Variants in NFATC4 observed in about 807,000 individuals in gnomAD.
NFATC4 encodes the protein nuclear factor of activated T cells 4.
A neutral mutation model predicts 73.4 loss-of-function variants in NFATC4; 25 were observed. The observed-to-expected ratio is 0.34, with a 90% confidence interval of 0.25 to 0.48. The LOEUF is 0.48. Ranked by LOEUF, NFATC4 falls within the 20% of genes least tolerant of loss-of-function variation. The pLI is 0.99. For missense variants in NFATC4, 1,130 were observed against 1,203.7 expected, an observed-to-expected ratio of 0.94 and a Z score of 0.91; for synonymous variants, 523 against 510.3, an observed-to-expected ratio of 1.02 and a Z score of -0.34.
In NFATC4 at chr14:24,376,602, A is replaced by G; in HGVS notation, c.2365A>G (p.Ser789Gly). Residue 789 changes from serine to glycine, a missense_variant, in exon 9 of 10, where the codon AGT (serine) becomes GGT (glycine). This residue lies in a region of NFATC4 where 390 missense variants were observed against 408.1 expected (regional missense o/e 0.96). Transcript: ENST00000250373. The surrounding 1 kb of genome is among the most constrained non-coding windows in gnomAD (Gnocchi z 5.0). ...TTCCTTCCTTCCCCGCCCCTTCCCTAGTGACCCGTATGGAGGGCGGGGCTC... is the reference window on the plus strand; with the variant it reads ...TTCCTTCCTTCCCCGCCCCTTCCCTGGTGACCCGTATGGAGGGCGGGGCTC... ...AVSFLPRPFP[S>G]DPYGGRGSSF... The G allele has an allele frequency of 6.2e-7, 1 of 1,613,530 alleles. No homozygotes were observed. Among genetic ancestry groups the G allele is most frequent in the Non-Finnish European group, 8.5e-7 (1 of 1,179,844 alleles).
intron 2 of NFATC4, 112 bp from the exon 3 acceptor site, chr14:24,372,329 T>C (rs556548114): frequency 1.8e-4 from 208 of 1,160,846 alleles, no homozygotes; most frequent in Non-Finnish European, 2.3e-4. Flanking sequence ...TCTTTATTTC[T>C]TCTGTGCTTT....
Position 24,370,255 on chromosome 14 carries a change from G to C in NFATC4, c.857G>C (p.Arg286Pro), listed in dbSNP as rs955445198. The change falls in exon 2 of 10, where the codon CGC (arginine) becomes CCC (proline). Residue 286 changes from arginine to proline, a missense_variant. Physicochemically the swap from Arg to Pro is moderately radical, Grantham distance 103. This residue lies in a region of NFATC4 where 585 missense variants were observed against 574.3 expected (regional missense o/e 1.02). Coordinates refer to ENST00000250373, the MANE Select transcript of NFATC4 (RefSeq NM_004554.5). ...TPSSASPALS[R>P]RGSLGEEGSE... is the part of the protein sequence containing the mutation. ...TCTTCAGCCTCCCCAGCTCTGTCCC[G>C]CCGTGGCAGCCTGGGGGAAGAGGGG... 2 of 1,612,362 alleles carry C rather than the reference G, an allele frequency of 1.2e-6. No individual in the cohort carries two copies. The highest frequency in any genetic ancestry group is 1.3e-5 in the African/African-American group (1 of 74,912).
At chr14:24,372,764 C>T in intron 3 of NFATC4, 161 bp downstream of exon 3, 1 of 824,374 alleles carries the variant, frequency 1.2e-6, no homozygotes, top group Non-Finnish European at 1.9e-6. Flanking sequence ...GTGCAAGGAC[C>T]CGGATATACT....
In NFATC4 at chr14:24,373,184, G is replaced by A. The variant is rs768269997; in HGVS notation, c.1373G>A (p.Ser458Asn). Residue 458 changes from serine (S) to asparagine (N), a missense_variant, in exon 4 of 10, where the codon AGT becomes AAT. Ser to Asn is a conservative substitution (Grantham distance 46). Around this residue, in one of 3 missense-constraint regions of NFATC4, gnomAD observed 155 missense variants for 221.2 expected, o/e 0.70. Transcript: ENST00000250373. This position sits in a 1 kb window ranked among gnomAD's most constrained non-coding sequence, Gnocchi z 4.7. ...GHPVVKLLGY[S>N]EKPLTLQMFI... ...TCCCTCTGCCAGCTCCTAGGCTACAGTGAGAAGCCACTGACCCTACAGATG... is the reference window on the plus strand; with the variant it reads ...TCCCTCTGCCAGCTCCTAGGCTACAATGAGAAGCCACTGACCCTACAGATG... 1 of 1,614,186 alleles carries A rather than the reference G, an allele frequency of 6.2e-7. No individual in the cohort carries two copies. Among genetic ancestry groups the A allele is most frequent in the South Asian group, 1.1e-5 (1 of 91,084 alleles).
upstream of NFATC4, chr14:24,367,712 C>A: frequency 6.6e-7 from 1 of 1,514,376 alleles, no homozygotes; most frequent in Non-Finnish European, 8.8e-7. Context: ...CCACTCTGCC[C>A]CCAGGACCCT....
At position 24,372,146 on chromosome 14, in the gene NFATC4, G is replaced by A. The variant is rs115111327; in HGVS notation, c.1197-295G>A. 872 of 343,474 alleles carry A rather than the reference G, an allele frequency of 2.5e-3. 6 individuals are homozygous for A. The highest frequency in any genetic ancestry group is 0.017 in the African/African-American group (806 of 46,932). 21.3% of individuals were successfully genotyped at this position (343,474 alleles called of 1,614,324 possible). A position where few individuals can be genotyped will look rare whatever the true frequency, so the allele number is the denominator to read the frequency against. On this transcript the variant is annotated intron_variant, in intron 2 of 9. Transcript: ENST00000250373. Reference sequence around the variant, plus strand: ...GAAGCCTTTCCACCCCAACCCCTGCGCTCAGAGCTGGGAAGAAGGGAGTTT... The same window carrying A: ...GAAGCCTTTCCACCCCAACCCCTGCACTCAGAGCTGGGAAGAAGGGAGTTT...
Position 24,373,941 on chromosome 14 carries a change from C to A in NFATC4, c.1732+74C>A. On this transcript the variant is annotated intron_variant, in intron 5 of 9. Transcript: ENST00000250373. This position sits in a 1 kb window ranked among gnomAD's most constrained non-coding sequence, Gnocchi z 4.7. ...GTCTGTGTGTGTGTGTCTGTCTGCC[C>A]ATTCCCTCTGCAGCGTCCTGTGCCC... 2 of 1,581,530 alleles carry A rather than the reference C, an allele frequency of 1.3e-6. No homozygotes were observed. Among genetic ancestry groups the A allele is most frequent in the East Asian group, 2.3e-5 (1 of 43,448 alleles).
rs1185809868 is a variant in NFATC4, at chr14:24,373,761, C to T, written c.1626C>T (p.Asp542=). ...TTGAGCTTCGGAAGGGTGAGACGGACATCGGGCGCAAAAACACACGTGTAC... is the reference window on the plus strand; with the variant it reads ...TTGAGCTTCGGAAGGGTGAGACGGATATCGGGCGCAAAAACACACGTGTAC... ...SDIELRKGET[D]IGRKNTRVRL... is the part of the protein sequence containing the mutation. Residue 542 remains aspartate (D), a synonymous_variant, in exon 5 of 10, where the codon GAC becomes GAT. Transcript: ENST00000250373. This position sits in a 1 kb window ranked among gnomAD's most constrained non-coding sequence, Gnocchi z 4.7. The T allele has an allele frequency of 1.2e-6, 2 of 1,614,056 alleles. No homozygotes were observed. Among genetic ancestry groups the T allele is most frequent in the East Asian group, 2.2e-5 (1 of 44,896 alleles).
chr14:24,375,709 C>T lies in NFATC4; in HGVS notation c.1923C>T (p.Ser641=). 1.4e-6 allele frequency: 2 copies of T among 1,463,128 alleles called. No homozygotes were observed. The highest frequency in any genetic ancestry group is 1.9e-6 in the Non-Finnish European group (2 of 1,075,540). The allele number at this position is 1,463,128 out of a possible 1,614,324, so 90.6% of individuals were successfully genotyped here. ...EEEATVNRLQ[S]NEVTLTLTVP... ...AGGCCACAGTGAACCGACTGCAGAG[C>T]AACGAGGTACCAGTGTCACTTGGAT... The change falls in exon 7 of 10, where the codon AGC becomes AGT. Residue 641 remains serine, a synonymous_variant. Coordinates refer to ENST00000250373, the MANE Select transcript of NFATC4 (RefSeq NM_004554.5).
upstream of NFATC4, chr14:24,367,361 T>C: frequency 6.5e-7 from 1 of 1,536,228 alleles, no homozygotes; most frequent in South Asian, 1.2e-5. Context: ...GGTCAGAGAT[T>C]CATTCCAGAC....
rs2042360165 is a variant in NFATC4, at chr14:24,368,267, C to T, written c.-74C>T. 7.4e-7 allele frequency: 1 copy of T among 1,353,942 alleles called. No homozygotes were observed. The allele number at this position is 1,353,942 out of a possible 1,614,324, so 83.9% of individuals were successfully genotyped here. A position where few individuals can be genotyped will look rare whatever the true frequency, so the allele number is the denominator to read the frequency against. The stretch of plus-strand genomic sequence containing the variant: ...AGAGAAAGGGAGGGAGGGAGCCACC[C>T]GGGTGAAGATACAGCAGCCTCCTGA... On this transcript the variant is annotated 5_prime_UTR_variant, in exon 1 of 10. Coordinates refer to ENST00000250373, the MANE Select transcript of NFATC4 (RefSeq NM_004554.5).
upstream of NFATC4, chr14:24,367,281 G>C (rs966030164): frequency 1.3e-6 from 2 of 1,581,976 alleles, no homozygotes; most frequent in African/African-American, 1.3e-5. Context: ...GAACCCACAG[G>C]GTCCGGAGGT....
chr14:24,371,922 T>G (rs2042482901), intron 2 of NFATC4: 1 of 153,136 alleles, frequency 6.5e-6, no homozygotes, highest in East Asian at 1.9e-4. Context: ...GCTCAAGCCA[T>G]CCTCACACCA....
In NFATC4 at chr14:24,369,857, G is replaced by T; in HGVS notation, c.459G>T (p.Gly153=). ...ATTACCCCCCACCAGAAGGCTTTGG[G>T]GGCTACAGAGAAGCAGGGGGCCAGG... ...PRDYPPPEGF[G]GYREAGGQGG... The change falls in exon 2 of 10, where the codon GGG becomes GGT. Residue 153 remains glycine (G), a synonymous_variant. Coordinates refer to ENST00000250373, the MANE Select transcript of NFATC4 (RefSeq NM_004554.5). The T allele has an allele frequency of 6.2e-7, 1 of 1,609,322 alleles. No individual in the cohort carries two copies. Among genetic ancestry groups the T allele is most frequent in the Admixed American group, 1.7e-5 (1 of 59,492 alleles).
At chr14:24,374,993 G>A (rs1403923964) in intron 6 of NFATC4, among the ~76,000 whole-genome samples, 1 of 151,838 alleles carries the variant, frequency 6.6e-6, no homozygotes, top group African/African-American at 2.4e-5. Context: ...ATCTCACTTT[G>A]TCACCCAGGG....
intron 1 of NFATC4, 84 bp from the exon 2 acceptor site, chr14:24,369,415 C>T (rs1955915): frequency 0.39 from 630,255 of 1,606,038 alleles, 129,846 homozygotes; most frequent in East Asian, 0.7. Context: ...GAAGGACTTG[C>T]GGCCTGGCCA....
rs1356496085 is a variant in NFATC4, at chr14:24,377,944, T to TGA, written c.*241_*242dup. 2 of 764,234 alleles carry TGA rather than the reference T, an allele frequency of 2.6e-6. No individual in the cohort carries two copies. Among genetic ancestry groups the TGA allele is most frequent in the East Asian group, 5.6e-5 (2 of 35,896 alleles). The allele number at this position is 764,234 out of a possible 1,614,324, so 47.3% of individuals were successfully genotyped here. A position where few individuals can be genotyped will look rare whatever the true frequency, so the allele number is the denominator to read the frequency against. ...GTGGAGGAGGGAGGAGGGTGAAGACTGAGGCTAGGTGCCAGAATGGACTGG... is the reference window on the plus strand; with the variant it reads ...GTGGAGGAGGGAGGAGGGTGAAGACTGAGAGGCTAGGTGCCAGAATGGACTGG... On this transcript the variant is annotated 3_prime_UTR_variant, in exon 10 of 10. Coordinates refer to ENST00000250373, the MANE Select transcript of NFATC4 (RefSeq NM_004554.5). The surrounding 1 kb of genome is among the most constrained non-coding windows in gnomAD (Gnocchi z 4.2).
At chr14:24,367,423 C>T (rs1294742082), upstream of NFATC4, 3 of 1,535,534 alleles carry the variant, frequency 2.0e-6, no homozygotes, top group Admixed American at 3.9e-5. Flanking sequence ...AATTCACGGC[C>T]CCTCTGGGTG....
At chr14:24,368,470 G>T in intron 1 of NFATC4, 30 bp downstream of exon 1, 1 of 1,273,324 alleles carries the variant, frequency 7.9e-7, no homozygotes, top group Non-Finnish European at 1.0e-6. Context: ...GGGGTCTTGG[G>T]GTCAGTGAGA....
Sources: gnomAD v4.1 joint callset for allele counts (sites outside exome capture counted in the v4.1 genomes callset) on GRCh38, gnomAD v4.1.1 for gene constraint, gnomAD v4.1.1 regional missense constraint, Gnocchi (gnomAD v3.1) non-coding constraint, MANE v1.5 for transcripts, NCBI Gene and HGNC (gene_info 2026-07-23, HGNC 2026-07-21) for gene names.